CDH13: variants seen among roughly 807,000 people sequenced by gnomAD.
The protein encoded by CDH13 is cadherin-13.
A neutral mutation model predicts 63.8 loss-of-function variants in CDH13; 24 were observed. The ratio of observed to expected loss-of-function variants is 0.38; its 90% CI spans 0.27 to 0.53. The LOEUF (loss-of-function observed/expected upper bound fraction) is 0.53, where lower values mean the gene tolerates loss of function less well. Among genes scored for constraint, CDH13 ranks in the 20% least tolerant of loss-of-function variants. The pLI is 0.85. For synonymous variants in CDH13, 503 were observed against 355.3 expected (o/e 1.42, Z -4.67); for missense variants, 1,049 against 903.1 (o/e 1.16, Z -2.07).
chr16:83,110,655 G>C (rs66776121), intron 3 of CDH13, among the ~76,000 whole-genome samples: 1 of 152,036 alleles, frequency 6.6e-6, no homozygotes, highest in Non-Finnish European at 1.5e-5. Context: ...CCTGGGCCTG[G>C]TTAGTAGTAT....
chr16:83,217,793 C>CTTTCCAGAA (rs1278533002), intron 5 of CDH13, among the ~76,000 whole-genome samples: 2 of 152,130 alleles, frequency 1.3e-5, no homozygotes, highest in Non-Finnish European at 2.9e-5. Context: ...GCAACTTTGG[C>CTTTCCAGAA]TTTCCAGAGA....
At chr16:83,693,932 T>A (rs969364712) in intron 10 of CDH13, among the ~76,000 whole-genome samples, 1 of 152,194 alleles carries the variant, frequency 6.6e-6, no homozygotes, top group Non-Finnish European at 1.5e-5. Flanking sequence ...ATGTTTGAAG[T>A]GAAATGAATC....
At chr16:82,724,076 G>A (rs900845276) in intron 1 of CDH13, among the ~76,000 whole-genome samples, 3 of 152,292 alleles carry the variant, frequency 2.0e-5, no homozygotes, top group East Asian at 3.9e-4. Flanking sequence ...TTGTCTGTGG[G>A]TCACAGCCTG....
intron 3 of CDH13, among the ~76,000 whole-genome samples, chr16:83,119,005 T>A (rs2035440043): frequency 6.6e-6 from 1 of 152,146 alleles, no homozygotes. Context: ...CTCCTTTTCT[T>A]CTATGCCAGA....
chr16:83,644,931 A>T lies in CDH13; in HGVS notation c.1102-25859A>T, dbSNP rs1440726839. On this transcript the variant is annotated intron_variant, in intron 8 of 13. Coordinates refer to ENST00000567109, the MANE Select transcript of CDH13 (RefSeq NM_001257.5). ...CTCCTCTAGAATCCAGGGGCTAATG[A>T]TCAGGAGGGAGGTGCTAAATATTCT... Among the ~76,000 whole-genome samples the T allele has an allele frequency of 2.0e-5, 3 of 152,216 alleles. No individual in the cohort carries two copies. The East Asian group carries it at 5.8e-4, about 29-fold the overall frequency.
At chr16:82,750,772 C>T (rs1330897682) in intron 1 of CDH13, among the ~76,000 whole-genome samples, 3 of 148,838 alleles carry the variant, frequency 2.0e-5, no homozygotes, top group Admixed American at 1.3e-4. Context: ...AAGAGATTGG[C>T]TTAAGCTGAT....
intron 1 of CDH13, among the ~76,000 whole-genome samples, chr16:82,628,255 C>CCAGGG (rs1261590568): frequency 2.0e-5 from 3 of 151,784 alleles, no homozygotes; most frequent in South Asian, 2.1e-4. Flanking sequence ...TGGATAAGAG[C>CCAGGG]CAGGGCAGGG....
At chr16:83,172,964 C>G (rs1338284914) in intron 4 of CDH13, among the ~76,000 whole-genome samples, 1 of 152,070 alleles carries the variant, frequency 6.6e-6, no homozygotes, top group Non-Finnish European at 1.5e-5. Context: ...TCTCCCCACC[C>G]CACCTTAGTC....
chr16:83,366,077 T>C (rs141979544), intron 6 of CDH13, among the ~76,000 whole-genome samples: 81 of 152,288 alleles, frequency 5.3e-4, no homozygotes, highest in African/African-American at 1.8e-3. Flanking sequence ...AATAGAAAAC[T>C]AATACAGAAT....
At chr16:83,525,916 G>A (rs2074949210) in intron 7 of CDH13, among the ~76,000 whole-genome samples, 1 of 152,200 alleles carries the variant, frequency 6.6e-6, no homozygotes, top group Admixed American at 6.5e-5. Flanking sequence ...AACATGGGCA[G>A]TCCCAAGAAG....
At chr16:82,866,808 G>C (rs1460914935) in intron 2 of CDH13, among the ~76,000 whole-genome samples, 1 of 152,112 alleles carries the variant, frequency 6.6e-6, no homozygotes, top group African/African-American at 2.4e-5. Flanking sequence ...TAAGGGGGAA[G>C]AGCCCTTTAT....
intron 1 of CDH13, among the ~76,000 whole-genome samples, chr16:82,851,959 A>G (rs1352041787): frequency 6.6e-6 from 1 of 152,212 alleles, no homozygotes; most frequent in Admixed American, 6.5e-5. Context: ...GCAGGGATAA[A>G]GTAACTATCA....
chr16:83,309,831 T>A (rs2089962144), intron 5 of CDH13, among the ~76,000 whole-genome samples: 1 of 152,056 alleles, frequency 6.6e-6, no homozygotes, highest in East Asian at 1.9e-4. Flanking sequence ...TTTAACTTTG[T>A]CTTTGTGGAC....
At chr16:83,421,842 T>C (rs755894772) in intron 6 of CDH13, among the ~76,000 whole-genome samples, 3 of 152,218 alleles carry the variant, frequency 2.0e-5, no homozygotes, top group Middle Eastern at 3.2e-3. Context: ...TTTCCATAAT[T>C]AGTTCTTTTG....
chr16:82,643,478 C>T lies in CDH13; in HGVS notation c.45+16341C>T, dbSNP rs141357109. ...CAAGTGGTAGTTTCAGGATTAAGAC[C>T]CAGGCTGTTTGGGTCTAATTCCTTC... On this transcript the variant is annotated intron_variant, in intron 1 of 13. Transcript: ENST00000567109. Among the ~76,000 whole-genome samples the T allele has an allele frequency of 5.6e-3, 846 of 152,270 alleles. 7 individuals carry two copies. The highest frequency in any genetic ancestry group is 0.018 in the African/African-American group (765 of 41,548).
rs72798385 is a variant in CDH13, at chr16:83,122,890, T to G, written c.367-2495T>G. ...AACCCATCACCCAAAGAGTGAACGT[T>G]GTACCCAACAGGTGATTTTTCAGCT... On this transcript the variant is annotated intron_variant, in intron 3 of 13. Coordinates refer to ENST00000567109, the MANE Select transcript of CDH13 (RefSeq NM_001257.5). Among the ~76,000 whole-genome samples, 1,234 of 152,276 alleles carry G rather than the reference T, an allele frequency of 8.1e-3. 13 individuals carry two copies. Among genetic ancestry groups the G allele is most frequent in the Non-Finnish European group, 0.012 (792 of 68,022 alleles).
At chr16:83,271,617 C>T (rs910879002) in intron 5 of CDH13, among the ~76,000 whole-genome samples, 1 of 151,320 alleles carries the variant, frequency 6.6e-6, no homozygotes, top group Non-Finnish European at 1.5e-5. Context: ...AATCATACAA[C>T]CGCTGGTTTC....
chr16:83,647,987 C>G (rs1336844429), intron 8 of CDH13, among the ~76,000 whole-genome samples: 2 of 152,184 alleles, frequency 1.3e-5, no homozygotes, highest in Non-Finnish European at 2.9e-5. Flanking sequence ...AAGGTAACAG[C>G]ATTATCCCAG....
Position 83,283,674 on chromosome 16 carries a change from G to C in CDH13, c.637-61188G>C, listed in dbSNP as rs1234017538. 3.9e-5 allele frequency among the ~76,000 whole-genome samples: 6 copies of C among 152,126 alleles called. No individual in the cohort carries two copies. In the East Asian group the frequency reaches 1.2e-3, roughly 29 times the overall value. ...AATGTCCTTTAGTGTTCTTACAGTG[G>C]TGCCTTTATCCCTGAGGTGCCTTTT... On this transcript the variant is annotated intron_variant, in intron 5 of 13. Transcript: ENST00000567109.
Sources: allele counts gnomAD v4.1 joint callset (sites outside exome capture counted in the v4.1 genomes callset), GRCh38; gene constraint gnomAD v4.1.1; transcripts MANE v1.5; gene names NCBI Gene and HGNC (gene_info 2026-07-23, HGNC 2026-07-21).